ATP6V1B1: variants seen among roughly 807,000 people sequenced by gnomAD.
The protein encoded by ATP6V1B1 is ATPase H+ transporting V1 subunit B1.
ATP6V1B1 carries 41 observed loss-of-function variants against 62.1 expected under a neutral mutation model. The observed-to-expected ratio is 0.66, with a 90% CI of 0.51 to 0.86. The LOEUF is 0.86. Ranked by LOEUF, ATP6V1B1 falls within the 40% of genes least tolerant of loss-of-function variation. ATP6V1B1 has a pLI of 0.00. For synonymous variants in ATP6V1B1, 253 were observed against 273.4 expected (o/e 0.93, Z 0.74); for missense variants, 651 against 697.5 (o/e 0.93, Z 0.75).
intron 2 of ATP6V1B1, chr2:70,948,211 A>T (rs1169154279): frequency 6.0e-5 from 9 of 150,058 alleles, no homozygotes; most frequent in African/African-American, 2.2e-4. Context: ...TCCCTCTCTC[A>T]CCCACATAAA....
chr2:70,946,522 G>A (rs532414516), intron 2 of ATP6V1B1, among the ~76,000 whole-genome samples: 26 of 152,328 alleles, frequency 1.7e-4, no homozygotes, highest in Non-Finnish European at 2.6e-4. Flanking sequence ...GTCCTCACAA[G>A]CCTTCCAGGT....
At chr2:70,954,795 G>T (rs556289882) in intron 2 of ATP6V1B1, among the ~76,000 whole-genome samples, 3 of 152,130 alleles carry the variant, frequency 2.0e-5, no homozygotes, top group Non-Finnish European at 4.4e-5. Flanking sequence ...ATTAATTTTA[G>T]TTGGATTATG....
At chr2:70,956,179 A>T in intron 2 of ATP6V1B1, 1 of 238,362 alleles carries the variant, frequency 4.2e-6, no homozygotes, top group Non-Finnish European at 9.6e-6. Context: ...TATCAATTTG[A>T]CATACATGGC....
At chr2:70,961,315 GC>G (rs1310159230) in intron 7 of ATP6V1B1, among the ~76,000 whole-genome samples, 1 of 152,134 alleles carries the variant, frequency 6.6e-6, no homozygotes, top group Non-Finnish European at 1.5e-5. Flanking sequence ...GGGCAGAGCA[GC>G]AGCTGGCGAC....
chr2:70,941,531 C>T, intron 1 of ATP6V1B1: 1 of 908,422 alleles, frequency 1.1e-6, no homozygotes, highest in Non-Finnish European at 1.3e-6. Flanking sequence ...GTCTTCCCTC[C>T]CACTCTCGTT....
chr2:70,962,761 C>G lies in ATP6V1B1; in HGVS notation c.786-16C>G. The G allele has an allele frequency of 6.2e-7, 1 of 1,613,212 alleles. No individual in the cohort carries two copies. ...CCAGGCCTCCAGGCTCTCTAAACAC[C>G]TGGCTACACCTCCAGGATCGAGCGG... On this transcript the variant is annotated splice_polypyrimidine_tract_variant and intron_variant, in intron 8 of 13. Coordinates refer to ENST00000234396, the MANE Select transcript of ATP6V1B1 (RefSeq NM_001692.4).
intron 11 of ATP6V1B1, 56 bp from the exon 12 acceptor site, chr2:70,964,381 CA>C (rs1179175522): frequency 2.5e-5 from 39 of 1,567,938 alleles, no homozygotes; most frequent in Non-Finnish European, 3.2e-5. Context: ...AATTTGGGGA[CA>C]GGGGGAGCAA....
At chr2:70,964,009 G>GTTA in intron 11 of ATP6V1B1, 1 of 433,618 alleles carries the variant, frequency 2.3e-6, no homozygotes, top group Non-Finnish European at 4.3e-6. Context: ...TCCCTTTCCA[G>GTTA]TTATTTGCTT....
Position 70,958,108 on chromosome 2 carries a change from G to A in ATP6V1B1, c.237G>A (p.Gln79=). 1 of 1,614,188 alleles carries A rather than the reference G, an allele frequency of 6.2e-7. No homozygotes were observed. The highest frequency in any genetic ancestry group is 8.5e-7 in the Non-Finnish European group (1 of 1,180,042). Residue 79 remains glutamine (Q), a synonymous_variant, in exon 3 of 14, where the codon CAG becomes CAA. Coordinates refer to ENST00000234396, the MANE Select transcript of ATP6V1B1 (RefSeq NM_001692.4). ...CAGATGGGACTCAGAGGAGCGGGCA[G>A]GTGCTTGAGGTGGCTGGCACCAAGG... The part of the protein sequence containing the change: ...TLPDGTQRSG[Q]VLEVAGTKAI...
intron 1 of ATP6V1B1, chr2:70,940,590 G>T: frequency 1.0e-6 from 1 of 985,438 alleles, no homozygotes; most frequent in Non-Finnish European, 1.2e-6. Context: ...TAATTGATGG[G>T]AAGGGTAATG....
chr2:70,943,095 C>G (rs1680043010), intron 1 of ATP6V1B1, among the ~76,000 whole-genome samples: 1 of 152,152 alleles, frequency 6.6e-6, no homozygotes, highest in Non-Finnish European at 1.5e-5. Flanking sequence ...TGCTGAGCAC[C>G]CAGTGAGCCT....
At chr2:70,948,470 T>C (rs1358411289) in intron 2 of ATP6V1B1, 6 of 154,796 alleles carry the variant, frequency 3.9e-5, no homozygotes, top group African/African-American at 1.2e-4. Context: ...TCCCCTGAGG[T>C]TGAAACAGCC....
chr2:70,943,653 C>A lies in ATP6V1B1; in HGVS notation c.119-5C>A, dbSNP rs782615475. Reference sequence around the variant, plus strand: ...GACCCCTACTCACCCCCGCCCCTCCCCCAGCCTACAGGACTGTGTGCAGCG... The same window carrying A: ...GACCCCTACTCACCCCCGCCCCTCCACCAGCCTACAGGACTGTGTGCAGCG... On this transcript the variant is annotated splice_polypyrimidine_tract_variant and splice_region_variant and intron_variant, in intron 1 of 13. Transcript: ENST00000234396. The A allele has an allele frequency of 2.5e-5, 41 of 1,613,680 alleles. No homozygotes were observed. The highest frequency in any genetic ancestry group is 3.5e-5 in the Non-Finnish European group (41 of 1,179,942).
intron 2 of ATP6V1B1, among the ~76,000 whole-genome samples, chr2:70,949,257 C>T (rs782194333): frequency 1.3e-5 from 2 of 152,114 alleles, no homozygotes; most frequent in South Asian, 2.1e-4. Flanking sequence ...AGCGGATACA[C>T]ATTTTACGCA....
Position 70,964,991 on chromosome 2 carries a change from T to C in ATP6V1B1, c.1412T>C (p.Leu471Pro). Residue 471 changes from leucine to proline, a missense_variant, in exon 14 of 14, where the codon CTG becomes CCG. Transcript: ENST00000234396. Reference protein sequence around the residue: ...PYENRSVFESLDLGWKLLRIF... With the variant: ...PYENRSVFESPDLGWKLLRIF... Reference sequence around the variant, plus strand: ...GAGAACCGCTCGGTGTTCGAGTCGCTGGACCTGGGCTGGAAGCTGCTGCGC... The same window carrying C: ...GAGAACCGCTCGGTGTTCGAGTCGCCGGACCTGGGCTGGAAGCTGCTGCGC... 4 of 1,613,930 alleles carry C rather than the reference T, an allele frequency of 2.5e-6. No homozygotes were observed. Among genetic ancestry groups the C allele is most frequent in the Non-Finnish European group, 3.4e-6 (4 of 1,180,024 alleles).
rs1003498823 is a variant in ATP6V1B1, at chr2:70,963,855, G to A, written c.1143+201G>A. On this transcript the variant is annotated intron_variant, in intron 11 of 13. Coordinates refer to ENST00000234396, the MANE Select transcript of ATP6V1B1 (RefSeq NM_001692.4). The surrounding 1 kb of genome is among the most constrained non-coding windows in gnomAD (Gnocchi z 4.3). ...CTGGTTTACCTGGCTCTGGGATCTTGAGAAGATAATTTCATCTCTTGGATC... is the reference window on the plus strand; with the variant it reads ...CTGGTTTACCTGGCTCTGGGATCTTAAGAAGATAATTTCATCTCTTGGATC... Among the ~76,000 whole-genome samples the A allele has an allele frequency of 8.5e-5, 13 of 152,196 alleles. No homozygotes were observed. Among genetic ancestry groups the A allele is most frequent in the African/African-American group, 2.9e-4 (12 of 41,452 alleles).
chr2:70,960,774 A>AC, intron 6 of ATP6V1B1, 147 bp from the exon 7 acceptor site: 1 of 89,488 alleles, frequency 1.1e-5, no homozygotes, highest in Non-Finnish European at 2.2e-5. Context: ...CCCACCCCCC[A>AC]CCCCAAGAAA....
At chr2:70,953,408 G>A (rs60843993) in intron 2 of ATP6V1B1, among the ~76,000 whole-genome samples, 9,509 of 152,012 alleles carry the variant, frequency 0.063, 882 homozygotes, top group African/African-American at 0.2. Flanking sequence ...ATGTTTTTAG[G>A]TGTTCATAGT....
At position 70,959,122 on chromosome 2, in the gene ATP6V1B1, T is replaced by C. The variant is rs932440896; in HGVS notation, c.445+27T>C. The C allele has an allele frequency of 1.2e-6, 2 of 1,611,358 alleles. No homozygotes were observed. Among genetic ancestry groups the C allele is most frequent in the Non-Finnish European group, 8.5e-7 (1 of 1,177,664 alleles). ...TGAGTGACTGGAGGTTCTGGATGGC[T>C]TCGGGACCCAGCCCTAACACCTTCC... is the stretch of plus-strand genomic sequence containing the variant. On this transcript the variant is annotated intron_variant, in intron 5 of 13. Transcript: ENST00000234396. This position sits in a 1 kb window ranked among gnomAD's most constrained non-coding sequence, Gnocchi z 4.2.
Sources: gnomAD v4.1 joint callset for allele counts (sites outside exome capture counted in the v4.1 genomes callset) on GRCh38, gnomAD v4.1.1 for gene constraint, Gnocchi (gnomAD v3.1) non-coding constraint, MANE v1.5 for transcripts, NCBI Gene and HGNC (gene_info 2026-07-23, HGNC 2026-07-21) for gene names.